SGCD: variants seen among roughly 807,000 people sequenced by gnomAD.
SGCD encodes the protein delta-sarcoglycan.
SGCD carries 18 observed loss-of-function variants against 36.6 expected under a neutral mutation model. That is an observed-to-expected ratio of 0.49 (90% CI 0.34 to 0.73). SGCD has a LOEUF of 0.73. Ranked by LOEUF, SGCD falls within the 30% of genes least tolerant of loss-of-function variation. The pLI, the probability that SGCD is intolerant of heterozygous loss-of-function variation, is 0.01. For synonymous variants in SGCD, 133 were observed against 130.6 expected, an observed-to-expected ratio of 1.02 and a Z score of -0.12; for missense variants, 387 against 346.7, an observed-to-expected ratio of 1.12 and a Z score of -0.92.
Position 156,550,691 on chromosome 5 carries a change from G to A in SGCD, c.295-38540G>A, listed in dbSNP as rs551207492. On this transcript the variant is annotated intron_variant, in intron 4 of 8. Transcript: ENST00000337851. Reference sequence around the variant, plus strand: ...GATAAAACATCATTATTAGATTCCCGCTCTCTGAGCCCACTCTCTAGTCCC... The same window carrying A: ...GATAAAACATCATTATTAGATTCCCACTCTCTGAGCCCACTCTCTAGTCCC... 5.9e-5 allele frequency among the ~76,000 whole-genome samples: 9 copies of A among 152,222 alleles called. No individual in the cohort carries two copies. The East Asian group carries it at 9.6e-4, about 16-fold the overall frequency.
At chr5:156,757,024 A>G (rs1757360053) in intron 7 of SGCD, among the ~76,000 whole-genome samples, 2 of 152,128 alleles carry the variant, frequency 1.3e-5, no homozygotes, top group Admixed American at 1.3e-4. Flanking sequence ...CACTTTATAG[A>G]TGAGGAAACT....
intron 3 of SGCD, among the ~76,000 whole-genome samples, chr5:156,361,617 CAG>C (rs1769797900): frequency 6.6e-6 from 1 of 152,150 alleles, no homozygotes. Context: ...AAATTCAGCA[CAG>C]AGTCATAAGC....
In SGCD at chr5:156,759,301, G is replaced by C. The variant is rs121909297; in HGVS notation, c.784G>C (p.Glu262Gln). 1 of 1,613,594 alleles carries C rather than the reference G, an allele frequency of 6.2e-7. No individual in the cohort carries two copies. Among genetic ancestry groups the C allele is most frequent in the East Asian group, 2.2e-5 (1 of 44,882 alleles). The change falls in exon 9 of 9, where the codon GAG becomes CAG. Residue 262 changes from glutamate (E) to glutamine (Q), a missense_variant. Glu to Gln is a conservative substitution (Grantham distance 29). Transcript: ENST00000337851. ...TPTGTRQKVF[E>Q]ICVCANGRLF... ...TACAGGAACGAGGCAGAAGGTCTTC[G>C]AGATCTGCGTCTGCGCCAATGGGAG... is the stretch of plus-strand genomic sequence containing the variant.
intron 3 of SGCD, among the ~76,000 whole-genome samples, chr5:156,286,610 T>C (rs1766604290): frequency 6.6e-6 from 1 of 151,776 alleles, no homozygotes; most frequent in Admixed American, 6.6e-5. Flanking sequence ...CACTCATAGG[T>C]GGGAATTGAA....
At chr5:156,166,148 C>A (rs951890649) in intron 3 of SGCD, among the ~76,000 whole-genome samples, 1 of 151,886 alleles carries the variant, frequency 6.6e-6, no homozygotes, top group South Asian at 2.1e-4. Context: ...TTGGAGTTTT[C>A]TTTTTAGTAA....
intron 2 of SGCD, among the ~76,000 whole-genome samples, chr5:156,123,703 G>C (rs1762103741): frequency 6.6e-6 from 1 of 152,068 alleles, no homozygotes; most frequent in African/African-American, 2.4e-5. Flanking sequence ...AGTCAAGACT[G>C]AATCCATTCA....
At chr5:155,966,233 C>T (rs1319704367) in intron 1 of SGCD, among the ~76,000 whole-genome samples, 2 of 152,082 alleles carry the variant, frequency 1.3e-5, no homozygotes, top group African/African-American at 4.8e-5. Flanking sequence ...ACCTTGACTT[C>T]AGCATTCTGA....
At chr5:155,826,460 C>T in the SGCD span, among the ~76,000 whole-genome samples, 1 of 152,186 alleles carries the variant, frequency 6.6e-6, no homozygotes, top group Non-Finnish European at 1.5e-5. Context: ...CTGTCTATGA[C>T]TGCATCTCTC....
chr5:155,731,788 G>T, the SGCD span, among the ~76,000 whole-genome samples: 2 of 152,112 alleles, frequency 1.3e-5, no homozygotes, highest in Non-Finnish European at 2.9e-5. Context: ...CACTCCCCTG[G>T]GAGCCTGTTC....
chr5:156,259,692 C>T (rs1387357391), intron 3 of SGCD, among the ~76,000 whole-genome samples: 1 of 152,058 alleles, frequency 6.6e-6, no homozygotes, highest in African/African-American at 2.4e-5. Flanking sequence ...GTATTGGTAA[C>T]ATAATCCTCA....
chr5:156,643,154 TC>T (rs1763101899), intron 6 of SGCD, among the ~76,000 whole-genome samples: 4 of 151,426 alleles, frequency 2.6e-5, no homozygotes, highest in Admixed American at 1.3e-4. Flanking sequence ...TGCCTCAGCC[TC>T]CCGAGTAGCT....
chr5:156,067,221 TG>T (rs1760348528), intron 1 of SGCD, among the ~76,000 whole-genome samples: 2 of 102,070 alleles, frequency 2.0e-5, no homozygotes, highest in Admixed American at 1.8e-4. Flanking sequence ...GTGCCCCTGC[TG>T]GGGGGTGCCT....
intron 1 of SGCD, among the ~76,000 whole-genome samples, chr5:155,900,678 T>A (rs1756370162): frequency 6.6e-6 from 1 of 151,024 alleles, no homozygotes; most frequent in South Asian, 2.1e-4. Context: ...TGCTTTTTAA[T>A]AGATGTTGGA....
At chr5:156,148,471 C>A (rs1344430639) in intron 3 of SGCD, among the ~76,000 whole-genome samples, 1 of 152,178 alleles carries the variant, frequency 6.6e-6, no homozygotes, top group Non-Finnish European at 1.5e-5. Flanking sequence ...CCCCAACCAC[C>A]ATTCCACTCA....
At chr5:156,537,300 A>C (rs1758156411) in intron 4 of SGCD, among the ~76,000 whole-genome samples, 1 of 151,992 alleles carries the variant, frequency 6.6e-6, no homozygotes, top group Non-Finnish European at 1.5e-5. Flanking sequence ...TTGGGAGTCT[A>C]GTCTCTCTCT....
At chr5:156,327,000 G>A (rs1182013651), upstream of SGCD, 1 of 152,330 alleles carries the variant, frequency 6.6e-6, no homozygotes, top group African/African-American at 2.4e-5. Flanking sequence ...TACGGAGTAC[G>A]GTTTCAAAGC....
chr5:156,069,655 G>A (rs1760472649), intron 1 of SGCD, among the ~76,000 whole-genome samples: 1 of 151,778 alleles, frequency 6.6e-6, no homozygotes. Flanking sequence ...TTCCAGTACT[G>A]TGAAGAAAGT....
intron 1 of SGCD, among the ~76,000 whole-genome samples, chr5:156,034,619 C>G (rs1659519001): frequency 6.6e-6 from 1 of 152,136 alleles, no homozygotes; most frequent in African/African-American, 2.4e-5. Flanking sequence ...TCTCCTTCCC[C>G]CAGTACTGAG....
At chr5:156,237,454 C>G (rs891702602) in intron 3 of SGCD, among the ~76,000 whole-genome samples, 1 of 151,868 alleles carries the variant, frequency 6.6e-6, no homozygotes, top group African/African-American at 2.4e-5. Flanking sequence ...GTGAAACCCC[C>G]TCTCTACTAA....
Sources: allele counts gnomAD v4.1 joint callset (sites outside exome capture counted in the v4.1 genomes callset), GRCh38; gene constraint gnomAD v4.1.1; transcripts MANE v1.5; gene names NCBI Gene and HGNC (gene_info 2026-07-23, HGNC 2026-07-21).